BNC2: variants seen among roughly 807,000 people sequenced by gnomAD.
The protein encoded by BNC2 is basonuclin zinc finger protein 2, also known as zinc finger protein basonuclin-2.
BNC2 carries 20 observed loss-of-function variants against 76.3 expected under a neutral mutation model. The ratio of observed to expected loss-of-function variants is 0.26; its 90% CI spans 0.18 to 0.38. The LOEUF is 0.38. BNC2 is among the 10% of genes least tolerant of loss of function. BNC2 has a pLI of 1.00. For synonymous variants in BNC2, 582 were observed against 514.8 expected (o/e 1.13, Z -1.77); for missense variants, 1,382 against 1,399.8 (o/e 0.99, Z 0.20).
intron 1 of BNC2, among the ~76,000 whole-genome samples, chr9:16,766,552 C>A (rs1268399529): frequency 6.6e-6 from 1 of 152,114 alleles, no homozygotes; most frequent in African/African-American, 2.4e-5. Context: ...AATCTAAGTC[C>A]TTTTGTTTAT....
chr9:16,625,130 A>T (rs1820958223), intron 3 of BNC2, among the ~76,000 whole-genome samples: 1 of 152,230 alleles, frequency 6.6e-6, no homozygotes, highest in Non-Finnish European at 1.5e-5. Context: ...ATTATTTGTA[A>T]GATTATACTA....
chr9:16,520,205 C>G (rs1817574704), intron 5 of BNC2, among the ~76,000 whole-genome samples: 1 of 152,172 alleles, frequency 6.6e-6, no homozygotes, highest in Non-Finnish European at 1.5e-5. Context: ...AAACAATCAT[C>G]TCACACTGCT....
chr9:16,685,194 C>T (rs562118042), intron 3 of BNC2, among the ~76,000 whole-genome samples: 21 of 152,294 alleles, frequency 1.4e-4, no homozygotes, highest in African/African-American at 4.3e-4. Flanking sequence ...CTCATCATCA[C>T]CTTGTGTGGT....
At chr9:16,464,620 T>C (rs1821664861) in intron 5 of BNC2, among the ~76,000 whole-genome samples, 1 of 152,150 alleles carries the variant, frequency 6.6e-6, no homozygotes, top group Non-Finnish European at 1.5e-5. Flanking sequence ...CTCAGAATAT[T>C]TTGAAAGAAC....
chr9:16,795,566 T>C, intron 1 of BNC2, among the ~76,000 whole-genome samples: 1 of 152,112 alleles, frequency 6.6e-6, no homozygotes, highest in African/African-American at 2.4e-5. Context: ...TCCACATCAC[T>C]GCCAGCGAGA....
At chr9:16,468,877 AT>A (rs1563797944) in intron 5 of BNC2, among the ~76,000 whole-genome samples, 1 of 152,222 alleles carries the variant, frequency 6.6e-6, no homozygotes, top group African/African-American at 2.4e-5. Context: ...AGTTGTCCAT[AT>A]CCCCAATAAT....
At chr9:16,719,185 C>T (rs1824075906) in intron 3 of BNC2, among the ~76,000 whole-genome samples, 1 of 152,126 alleles carries the variant, frequency 6.6e-6, no homozygotes, top group South Asian at 2.1e-4. Context: ...CTCCCCATAT[C>T]TTGCCGGTGA....
chr9:16,583,229 T>G (rs1819676750), intron 3 of BNC2, 144 bp from the exon 4 acceptor site: 1 of 694,996 alleles, frequency 1.4e-6, no homozygotes, highest in Admixed American at 2.5e-5. Flanking sequence ...TAAATTTAGA[T>G]ATCACCAAAA....
chr9:16,702,538 TAAAA>T (rs35763446), intron 3 of BNC2, among the ~76,000 whole-genome samples: 37 of 138,344 alleles, frequency 2.7e-4, no homozygotes, highest in Non-Finnish European at 3.0e-4. Context: ...TTTCTTTACT[TAAAA>T]AAAAAAAAAA....
At chr9:16,695,707 T>C (rs1274939682) in intron 3 of BNC2, among the ~76,000 whole-genome samples, 1 of 152,058 alleles carries the variant, frequency 6.6e-6, no homozygotes, top group Non-Finnish European at 1.5e-5. Flanking sequence ...TCTCGTTAAG[T>C]GACGTGAAGC....
At chr9:16,793,648 C>CTTTTTTTTTTTTTTTTTTTT (rs71327860) in intron 1 of BNC2, among the ~76,000 whole-genome samples, 1 of 55,778 alleles carries the variant, frequency 1.8e-5, no homozygotes, top group African/African-American at 5.5e-5. Context: ...CCTTCCACAT[C>CTTTTTTTTTTTTTTTTTTTT]TTTTTTTTTT....
chr9:16,742,565 G>A (rs1421730596), intron 1 of BNC2, among the ~76,000 whole-genome samples: 1 of 152,130 alleles, frequency 6.6e-6, no homozygotes, highest in African/African-American at 2.4e-5. Context: ...CCTACAGCCT[G>A]CTTTCCTAAC....
At position 16,523,132 on chromosome 9, in the gene BNC2, A is replaced by G. The variant is rs58338964; in HGVS notation, c.669+29398T>C. 6.8e-4 allele frequency among the ~76,000 whole-genome samples: 104 copies of G among 152,346 alleles called. 2 individuals carry two copies. The East Asian group carries it at 0.019, about 28-fold the overall frequency. On this transcript the variant is annotated intron_variant, in intron 5 of 6. Transcript: ENST00000380672. Reference sequence around the variant, plus strand: ...TTCGTGTGTTTTCAAAGCGGTATCAATGAAAATGGCTCTGTTCACAAACAT... The same window carrying G: ...TTCGTGTGTTTTCAAAGCGGTATCAGTGAAAATGGCTCTGTTCACAAACAT...
In BNC2 at chr9:16,414,886, C is replaced by CTCTGGAATATA. The variant is rs2118953323; in HGVS notation, c.*4102_*4103insTATATTCCAGA. On this transcript the variant is annotated 3_prime_UTR_variant, in exon 7 of 7. Transcript: ENST00000380672. Reference sequence around the variant, plus strand: ...TGCATAGTTTCTCCTGAGGAGAAGCCTCTGGAATAGCCCATTCTTGATATA... The same window carrying CTCTGGAATATA: ...TGCATAGTTTCTCCTGAGGAGAAGCCTCTGGAATATATCTGGAATAGCCCATTCTTGATATA... 1 of 151,200 alleles carries CTCTGGAATATA rather than the reference C, an allele frequency of 6.6e-6. No individual in the cohort carries two copies. The highest frequency in any genetic ancestry group is 1.5e-5 in the Non-Finnish European group (1 of 67,862). The allele number at this position is 151,200 out of a possible 1,614,324, so 9.4% of individuals were successfully genotyped here.
intron 1 of BNC2, among the ~76,000 whole-genome samples, chr9:16,794,722 C>G (rs1352936847): frequency 1.3e-5 from 2 of 152,178 alleles, no homozygotes; most frequent in Non-Finnish European, 2.9e-5. Context: ...TCAGCTAACA[C>G]CATGAAGCAA....
intron 4 of BNC2, among the ~76,000 whole-genome samples, chr9:16,553,676 A>C (rs1443794456): frequency 1.3e-5 from 2 of 152,176 alleles, no homozygotes; most frequent in African/African-American, 4.8e-5. Context: ...TGAAAAGTTC[A>C]ACAATTGGGT....
At chr9:16,698,122 A>G (rs936014097) in intron 3 of BNC2, among the ~76,000 whole-genome samples, 2 of 152,218 alleles carry the variant, frequency 1.3e-5, no homozygotes, top group Non-Finnish European at 2.9e-5. Context: ...TTGGTCCTAC[A>G]AAAACTTCAA....
intron 3 of BNC2, among the ~76,000 whole-genome samples, chr9:16,711,800 CAG>C (rs1823859404): frequency 6.6e-6 from 1 of 152,200 alleles, no homozygotes; most frequent in Non-Finnish European, 1.5e-5. Flanking sequence ...GAAGGCAGGA[CAG>C]AGTCTGCTTT....
intron 1 of BNC2, among the ~76,000 whole-genome samples, chr9:16,789,217 G>A (rs1340730687): frequency 2.6e-5 from 4 of 152,106 alleles, no homozygotes; most frequent in Non-Finnish European, 4.4e-5. Context: ...GCTAGGGACT[G>A]GGGGTGGGAG....
Sources: allele counts gnomAD v4.1 joint callset (sites outside exome capture counted in the v4.1 genomes callset), GRCh38; gene constraint gnomAD v4.1.1; transcripts MANE v1.5; gene names NCBI Gene and HGNC (gene_info 2026-07-23, HGNC 2026-07-21).